The following CDC16 variants were observed in gnomAD, a reference collection of about 807,000 sequenced individuals.
CDC16 encodes the protein cell division cycle 16.
A neutral mutation model predicts 87.0 loss-of-function variants in CDC16; 34 were observed. The observed-to-expected ratio is 0.39, with a 90% confidence interval of 0.30 to 0.52. The LOEUF is 0.52. CDC16 is among the 20% of genes least tolerant of loss of function. The pLI is 0.74. For synonymous variants in CDC16, 263 were observed against 260.6 expected, an observed-to-expected ratio of 1.01 and a Z score of -0.09; for missense variants, 653 against 751.9, an observed-to-expected ratio of 0.87 and a Z score of 1.54.
At chr13:114,263,630 G>A (rs929914208) in intron 16 of CDC16, among the ~76,000 whole-genome samples, 2 of 152,132 alleles carry the variant, frequency 1.3e-5, no homozygotes, top group African/African-American at 4.8e-5. Context: ...ACAATATTCA[G>A]CCCAGAGGGC....
At chr13:114,265,388 T>A (rs908839080) in intron 17 of CDC16, 148 bp downstream of exon 17, 1 of 600,626 alleles carries the variant, frequency 1.7e-6, no homozygotes, top group Admixed American at 2.8e-5. Flanking sequence ...ACTCCATTTA[T>A]TTTATTAGAA....
At chr13:114,247,494 G>A (rs1404626793) in intron 11 of CDC16, among the ~76,000 whole-genome samples, 1 of 151,496 alleles carries the variant, frequency 6.6e-6, no homozygotes, top group Admixed American at 6.6e-5. Flanking sequence ...CAAGTGGTTT[G>A]TTCTTTATAA....
intron 8 of CDC16, 143 bp from the exon 9 acceptor site, chr13:114,244,747 G>T: frequency 2.1e-6 from 1 of 482,804 alleles, no homozygotes; most frequent in South Asian, 4.8e-5. Context: ...GAATCAACCT[G>T]AAGATAATGG....
intron 5 of CDC16, 96 bp from the exon 6 acceptor site, chr13:114,242,025 C>G (rs2081576850): frequency 3.5e-6 from 5 of 1,415,282 alleles, no homozygotes; most frequent in Non-Finnish European, 4.8e-6. Flanking sequence ...GAACTCCAGC[C>G]TGGGAGACAG....
At chr13:114,265,403 G>T (rs942276609) in intron 17 of CDC16, among the ~76,000 whole-genome samples, 163 bp downstream of exon 17, 29 of 152,296 alleles carry the variant, frequency 1.9e-4, no homozygotes, top group African/African-American at 6.3e-4. Context: ...TTAGAACAAT[G>T]CTGTGGGGGA....
At position 114,250,537 on chromosome 13, in the gene CDC16, C is replaced by G; in HGVS notation, c.972-12C>G. ...AAATACTATATGACTTAAATTAACT[C>G]TTTTGTTTTAGCAAAGCCACAACAC... On this transcript the variant is annotated splice_polypyrimidine_tract_variant and intron_variant, in intron 11 of 17. Coordinates refer to ENST00000356221, the MANE Select transcript of CDC16 (RefSeq NM_001078645.3). 6.3e-7 allele frequency: 1 copy of G among 1,598,406 alleles called. No homozygotes were observed. Among genetic ancestry groups the G allele is most frequent in the Non-Finnish European group, 8.6e-7 (1 of 1,168,260 alleles).
intron 12 of CDC16, among the ~76,000 whole-genome samples, chr13:114,251,894 ACCCTATTGGATAAAAGCCTTAC>A (rs1320103601): frequency 6.6e-6 from 1 of 151,432 alleles, no homozygotes; most frequent in Non-Finnish European, 1.5e-5. Flanking sequence ...CCTTACACGA[ACCCTATTGGATAAAAGCCTTAC>A]ACTAGCCCTG....
intron 1 of CDC16, among the ~76,000 whole-genome samples, chr13:114,235,396 C>T (rs1438044843): frequency 6.6e-6 from 1 of 152,156 alleles, no homozygotes; most frequent in Non-Finnish European, 1.5e-5. Flanking sequence ...CTGCACCTGG[C>T]GCGGAGGAGG....
In CDC16 at chr13:114,234,993, A is replaced by AGGCACGGGCACG. The variant is rs530325430; in HGVS notation, c.-83_-72dup. On this transcript the variant is annotated 5_prime_UTR_variant, in exon 1 of 18. Transcript: ENST00000356221. ...GTCCTGGGGCGGCGGCGGCGGCTGC[A>AGGCACGGGCACG]GGCACGGGCACGGGCACGGGGCGGG... 33 of 872,568 alleles carry AGGCACGGGCACG rather than the reference A, an allele frequency of 3.8e-5. No individual in the cohort carries two copies. In the African/African-American group the frequency reaches 7.0e-4, roughly 18 times the overall value. 54.1% of individuals were successfully genotyped at this position (872,568 alleles called of 1,614,324 possible).
In CDC16 at chr13:114,242,163, G is replaced by A. The variant is rs777641032; in HGVS notation, c.424G>A (p.Ala142Thr). The A allele has an allele frequency of 5.3e-5, 85 of 1,613,546 alleles. No homozygotes were observed. The highest frequency in any genetic ancestry group is 7.0e-5 in the Non-Finnish European group (83 of 1,179,904). ...TCTTCTACGCGGGAAAATCTATGATGCTCTAGATAACCGAACCCTGGCTAC... is the reference window on the plus strand; with the variant it reads ...TCTTCTACGCGGGAAAATCTATGATACTCTAGATAACCGAACCCTGGCTAC... ...ICLLRGKIYDALDNRTLATYS... is the reference protein window; with the variant it reads ...ICLLRGKIYDTLDNRTLATYS... The change falls in exon 6 of 18, where the codon GCT becomes ACT. Residue 142 changes from alanine (A) to threonine (T), a missense_variant. Physicochemically the swap from Ala to Thr is moderately conservative, Grantham distance 58 (BLOSUM62 0). Coordinates refer to ENST00000356221, the MANE Select transcript of CDC16 (RefSeq NM_001078645.3).
chr13:114,245,446 C>T (rs1014567502), intron 9 of CDC16, among the ~76,000 whole-genome samples: 2 of 152,102 alleles, frequency 1.3e-5, no homozygotes, highest in Non-Finnish European at 2.9e-5. Context: ...ATGGTGAGCT[C>T]TGTCAGGAAG....
In CDC16 at chr13:114,261,949, G is replaced by C; in HGVS notation, c.1376+1G>C. 1 of 1,582,552 alleles carries C rather than the reference G, an allele frequency of 6.3e-7. No individual in the cohort carries two copies. The highest frequency in any genetic ancestry group is 8.6e-7 in the Non-Finnish European group (1 of 1,158,652). Reference sequence around the variant, plus strand: ...TGGGGCATGTCTGCAGAAAACTTAAGTAAGTGAAGTAGAGCATTTTCAGAA... The same window carrying C: ...TGGGGCATGTCTGCAGAAAACTTAACTAAGTGAAGTAGAGCATTTTCAGAA... On this transcript the variant is annotated splice_donor_variant, in intron 15 of 17. Coordinates refer to ENST00000356221, the MANE Select transcript of CDC16 (RefSeq NM_001078645.3). LOFTEE classifies it high-confidence loss of function.
chr13:114,267,514 C>T (rs1326010612), intron 17 of CDC16, among the ~76,000 whole-genome samples: 2 of 151,860 alleles, frequency 1.3e-5, no homozygotes, highest in African/African-American at 4.8e-5. Context: ...AAAAGTGCTA[C>T]GTATTGGTAG....
chr13:114,257,021 A>T, intron 12 of CDC16, 57 bp from the exon 13 acceptor site: 6 of 1,167,276 alleles, frequency 5.1e-6, no homozygotes, highest in Non-Finnish European at 7.4e-6. Flanking sequence ...TGACAGATTA[A>T]TTTCTGCTAA....
chr13:114,243,197 T>C, intron 6 of CDC16, 60 bp from the exon 7 acceptor site: 1 of 796,578 alleles, frequency 1.3e-6, no homozygotes, highest in Non-Finnish European at 2.2e-6. Flanking sequence ...TTTTAGTTGT[T>C]GGCTTTTTCC....
At chr13:114,259,203 G>T in intron 13 of CDC16, 132 bp from the exon 14 acceptor site, 35 of 465,816 alleles carry the variant, frequency 7.5e-5, no homozygotes, top group Admixed American at 1.8e-4. Context: ...ACTTAACTTT[G>T]AATTTTTATA....
At position 114,246,288 on chromosome 13, in the gene CDC16, G is replaced by A. The variant is rs545061324; in HGVS notation, c.897+239G>A. 2.6e-5 allele frequency among the ~76,000 whole-genome samples: 4 copies of A among 152,220 alleles called. No homozygotes were observed. In the East Asian group the frequency reaches 7.7e-4, roughly 29 times the overall value. On this transcript the variant is annotated intron_variant, in intron 10 of 17. Coordinates refer to ENST00000356221, the MANE Select transcript of CDC16 (RefSeq NM_001078645.3). Reference sequence around the variant, plus strand: ...TTTTAAACCCTTTTTTCTGATTATAGAAGTTATACATGCTTATTTTAAAAT... The same window carrying A: ...TTTTAAACCCTTTTTTCTGATTATAAAAGTTATACATGCTTATTTTAAAAT...
At position 114,272,587 on chromosome 13, in the gene CDC16, C is replaced by T; in HGVS notation, c.*144C>T. On this transcript the variant is annotated 3_prime_UTR_variant, in exon 18 of 18. Transcript: ENST00000356221. ...AGGAACAGAGACCCGCCTTAAGAGA[C>T]TGGATCGCACACCTTTGCAACAGAT... The T allele has an allele frequency of 1.6e-6, 1 of 624,748 alleles. No individual in the cohort carries two copies. The highest frequency in any genetic ancestry group is 1.8e-5 in the African/African-American group (1 of 54,626). 38.7% of individuals were successfully genotyped at this position (624,748 alleles called of 1,614,324 possible).
intron 17 of CDC16, 37 bp downstream of exon 17, chr13:114,265,277 AT>A: frequency 7.7e-7 from 1 of 1,304,664 alleles, no homozygotes; most frequent in Non-Finnish European, 1.1e-6. Context: ...ATTGTACTCC[AT>A]TTTTTAGGTT....
Sources: allele counts gnomAD v4.1 joint callset (sites outside exome capture counted in the v4.1 genomes callset), GRCh38; gene constraint gnomAD v4.1.1; transcripts MANE v1.5; gene names NCBI Gene and HGNC (gene_info 2026-07-23, HGNC 2026-07-21).